Variants in REDIC1 observed in about 807,000 individuals in gnomAD.
REDIC1 encodes HEI10 Interacting Protein 1.
chr12:39,782,559 T>C, the REDIC1 span, among the ~76,000 whole-genome samples: 1 of 152,202 alleles, frequency 6.6e-6, no homozygotes, highest in Non-Finnish European at 1.5e-5. Context: ...GTTTTGGGTA[T>C]GTCTTTATCA....
the REDIC1 span, among the ~76,000 whole-genome samples, chr12:39,629,226 G>C: frequency 6.6e-6 from 1 of 152,180 alleles, no homozygotes; most frequent in Non-Finnish European, 1.5e-5. Context: ...TTAGGAAAGA[G>C]AAAGATGAGT....
the REDIC1 span, among the ~76,000 whole-genome samples, chr12:39,713,928 A>T: frequency 1.4e-5 from 2 of 146,560 alleles, no homozygotes; most frequent in African/African-American, 2.6e-5. Context: ...TATATATTAA[A>T]TTATGTGCAT....
chr12:39,791,052 C>G, the REDIC1 span, among the ~76,000 whole-genome samples: 10 of 134,852 alleles, frequency 7.4e-5, no homozygotes, highest in African/African-American at 2.8e-4. Context: ...CCTTTGCCCA[C>G]TTTTTGATGG....
At chr12:39,862,042 C>T in the REDIC1 span, among the ~76,000 whole-genome samples, 3 of 152,144 alleles carry the variant, frequency 2.0e-5, no homozygotes, top group Non-Finnish European at 4.4e-5. Flanking sequence ...ACCACTGCCC[C>T]CTAACAGGCG....
chr12:39,889,178 C>A, the REDIC1 span, among the ~76,000 whole-genome samples: 1 of 152,058 alleles, frequency 6.6e-6, no homozygotes, highest in African/African-American at 2.4e-5. Flanking sequence ...CTTATTAGAT[C>A]TTTCTGCAGA....
the REDIC1 span, among the ~76,000 whole-genome samples, chr12:39,901,842 G>A: frequency 6.7e-6 from 1 of 148,230 alleles, no homozygotes; most frequent in South Asian, 2.2e-4. Flanking sequence ...CCATTACTGG[G>A]TATATACCCA....
the REDIC1 span, among the ~76,000 whole-genome samples, chr12:39,712,169 T>C: frequency 1.7e-4 from 25 of 143,762 alleles, no homozygotes; most frequent in African/African-American, 6.2e-4. Context: ...TATGTACATG[T>C]ATATATACCT....
the REDIC1 span, among the ~76,000 whole-genome samples, chr12:39,886,289 G>A: frequency 2.8e-3 from 425 of 152,098 alleles, 1 homozygote; most frequent in African/African-American, 9.5e-3. Flanking sequence ...TATTGACAGC[G>A]CTGTGCCCTT....
At chr12:39,850,157 T>C in the REDIC1 span, among the ~76,000 whole-genome samples, 1 of 152,090 alleles carries the variant, frequency 6.6e-6, no homozygotes, top group Admixed American at 6.5e-5. Flanking sequence ...TCCACAATAA[T>C]AAAGGAGTCA....
At chr12:39,712,856 TGTATATACAC>T in the REDIC1 span, among the ~76,000 whole-genome samples, 102,164 of 140,716 alleles carry the variant, frequency 0.73, 38,829 homozygotes, top group Non-Finnish European at 0.83. Flanking sequence ...TATACACATA[TGTATATACAC>T]GTATATACAC....
the REDIC1 span, among the ~76,000 whole-genome samples, chr12:39,713,234 G>A: frequency 1.6e-5 from 2 of 122,190 alleles, no homozygotes; most frequent in Admixed American, 8.4e-5. Flanking sequence ...ACATATACGT[G>A]TATATATGTG....
chr12:39,628,600 G>A, the REDIC1 span, among the ~76,000 whole-genome samples: 1 of 152,114 alleles, frequency 6.6e-6, no homozygotes, highest in Non-Finnish European at 1.5e-5. Flanking sequence ...AACAATTCCA[G>A]AGCCTTCAAC....
chr12:39,691,918 A>T, the REDIC1 span: 21 of 778,228 alleles, frequency 2.7e-5, no homozygotes, highest in East Asian at 7.5e-4. Context: ...TGGTTTAAAA[A>T]TAAACCATGT....
chr12:39,869,693 G>C, the REDIC1 span, among the ~76,000 whole-genome samples: 2 of 151,526 alleles, frequency 1.3e-5, no homozygotes, highest in African/African-American at 4.9e-5. Context: ...GGATGGCTCT[G>C]GAAATCCTTG....
At chr12:39,683,063 A>G in the REDIC1 span, 2 of 1,612,968 alleles carry the variant, frequency 1.2e-6, no homozygotes, top group Non-Finnish European at 1.7e-6. Context: ...TATCAGAGAG[A>G]GTATAACAAA....
chr12:39,781,409 C>T, the REDIC1 span, among the ~76,000 whole-genome samples: 3 of 152,142 alleles, frequency 2.0e-5, no homozygotes, highest in African/African-American at 7.2e-5. Context: ...CAGCCTTCCA[C>T]AGCACCTCCT....
chr12:39,633,790 T>TA, the REDIC1 span, among the ~76,000 whole-genome samples: 3 of 152,220 alleles, frequency 2.0e-5, no homozygotes, highest in Non-Finnish European at 4.4e-5. Flanking sequence ...GAACCATCGT[T>TA]ACGCAGTGTG....
At chr12:39,864,160 G>C in the REDIC1 span, among the ~76,000 whole-genome samples, 4 of 152,070 alleles carry the variant, frequency 2.6e-5, no homozygotes, top group Non-Finnish European at 2.9e-5. Context: ...TCTACTTTTC[G>C]ATCTATTTAT....
the REDIC1 span, chr12:39,640,988 G>A: frequency 6.2e-7 from 1 of 1,609,724 alleles, no homozygotes. Flanking sequence ...AAAGAAGAAA[G>A]CAAAAGGTAA....
Sources: gnomAD v4.1 joint callset for allele counts (sites outside exome capture counted in the v4.1 genomes callset) on GRCh38, gnomAD v4.1.1 for gene constraint, MANE v1.5 for transcripts, NCBI Gene and HGNC (gene_info 2026-07-23, HGNC 2026-07-21) for gene names.